The following PIK3R3 variants were observed in gnomAD, a reference collection of about 807,000 sequenced individuals.
The protein encoded by PIK3R3 is phosphatidylinositol 3-kinase regulatory subunit gamma.
In PIK3R3, 64 loss-of-function variants were observed where a neutral mutation model predicts 62.9. The observed-to-expected ratio is 1.02, with a 90% confidence interval of 0.83 to 1.25. PIK3R3 has a LOEUF of 1.25. Ranked by LOEUF, PIK3R3 falls within the 50% of genes most tolerant of loss-of-function variation. The pLI, the probability that PIK3R3 is intolerant of heterozygous loss-of-function variation, is 0.00. For synonymous variants in PIK3R3, 165 were observed against 189.0 expected (o/e 0.87, Z 1.04); for missense variants, 614 against 561.6 (o/e 1.09, Z -0.94).
intron 1 of PIK3R3, among the ~76,000 whole-genome samples, chr1:46,121,907 G>C (rs1023451092): frequency 6.6e-6 from 1 of 151,860 alleles, no homozygotes; most frequent in Non-Finnish European, 1.5e-5. Flanking sequence ...TGGCAGGCTG[G>C]ACGTAGCCTA....
the PIK3R3 span, among the ~76,000 whole-genome samples, chr1:46,155,117 G>C: frequency 6.6e-6 from 1 of 152,116 alleles, no homozygotes; most frequent in East Asian, 1.9e-4. Flanking sequence ...CCCAGGAGTT[G>C]AAGACCAGCC....
At position 46,071,759 on chromosome 1, in the gene PIK3R3, A is replaced by AGAGAGAGAGAGAGCGAGCGAGC. The variant is rs777668187; in HGVS notation, c.315-4669_315-4668insGCTCGCTCGCTCTCTCTCTCTC. Among the ~76,000 whole-genome samples the AGAGAGAGAGAGAGCGAGCGAGC allele has an allele frequency of 2.5e-4, 25 of 100,128 alleles. 1 individual carries two copies. Among genetic ancestry groups the AGAGAGAGAGAGAGCGAGCGAGC allele is most frequent in the East Asian group, 7.4e-4 (3 of 4,044 alleles). The allele number at this position is 100,128 out of a possible 152,430, so 65.7% of individuals were successfully genotyped here. On this transcript the variant is annotated intron_variant, in intron 3 of 9. Coordinates refer to ENST00000262741, the MANE Select transcript of PIK3R3 (RefSeq NM_003629.4). ...GAGAGAGAGAGAGAGAGAGAGAGAGAGCGCGCGCCTGATCACAATTTCCCT... is the reference window on the plus strand; with the variant it reads ...GAGAGAGAGAGAGAGAGAGAGAGAGAGAGAGAGAGAGAGCGAGCGAGCGCGCGCGCCTGATCACAATTTCCCT...
At chr1:46,157,435 T>A in the PIK3R3 span, among the ~76,000 whole-genome samples, 1 of 152,136 alleles carries the variant, frequency 6.6e-6, no homozygotes. Flanking sequence ...TGCCTGACCA[T>A]AGATTGGCTT....
At chr1:46,139,410 A>C in the PIK3R3 span, among the ~76,000 whole-genome samples, 1 of 151,922 alleles carries the variant, frequency 6.6e-6, no homozygotes, top group African/African-American at 2.4e-5. Context: ...GGTTCAAGCA[A>C]TTCTCCTGCC....
chr1:46,167,787 C>T, the PIK3R3 span, among the ~76,000 whole-genome samples: 1 of 152,222 alleles, frequency 6.6e-6, no homozygotes, highest in Admixed American at 6.5e-5. Flanking sequence ...CTTCCACTCA[C>T]GCTGTTTCTC....
intron 3 of PIK3R3, among the ~76,000 whole-genome samples, 162 bp from the exon 4 acceptor site, chr1:46,067,253 C>CATAT (rs71307629): frequency 0.13 from 16,443 of 130,136 alleles, 1,124 homozygotes; most frequent in Admixed American, 0.19. Context: ...TGTGTGTGAA[C>CATAT]ATATATATAT....
chr1:46,152,705 G>C, the PIK3R3 span, among the ~76,000 whole-genome samples: 1 of 152,036 alleles, frequency 6.6e-6, no homozygotes, highest in African/African-American at 2.4e-5. Context: ...TGGGACTACA[G>C]GTGCCTGCCA....
intron 1 of PIK3R3, among the ~76,000 whole-genome samples, chr1:46,083,117 T>G (rs938549565): frequency 1.3e-5 from 2 of 152,098 alleles, no homozygotes; most frequent in Non-Finnish European, 2.9e-5. Context: ...CTTAGTCAAC[T>G]GATTTTCAAC....
At chr1:46,144,187 T>C in the PIK3R3 span, among the ~76,000 whole-genome samples, 4 of 152,204 alleles carry the variant, frequency 2.6e-5, no homozygotes, top group Admixed American at 1.3e-4. Context: ...GGAGGTATTA[T>C]GGCCATGTTC....
rs1022803555 is a variant in PIK3R3 at position 46,062,196 on chromosome 1, A to G, written c.622-125T>C. ...ATCCCATATAACACCTAGTCTTTCA[A>G]AAGTCTTCTCCTTGTTTAGGAGGAC... On this transcript the variant is annotated intron_variant, in intron 5 of 9. Coordinates refer to ENST00000262741, the MANE Select transcript of PIK3R3 (RefSeq NM_003629.4). The G allele has an allele frequency of 3.8e-5, 28 of 728,778 alleles. No homozygotes were observed. The Admixed American group carries it at 8.4e-4, about 22-fold the overall frequency. 45.1% of individuals were successfully genotyped at this position (728,778 alleles called of 1,614,324 possible).
rs149166394 is a variant in PIK3R3 at position 46,109,142 on chromosome 1, G to A, written c.106+22705C>T. Among the ~76,000 whole-genome samples, 831 of 141,444 alleles carry A rather than the reference G, an allele frequency of 5.9e-3. 12 individuals are homozygous for A. The highest frequency in any genetic ancestry group is 0.021 in the African/African-American group (792 of 37,188). The allele number at this position is 141,444 out of a possible 152,430, so 92.8% of individuals were successfully genotyped here. A position where few individuals can be genotyped will look rare whatever the true frequency, so the allele number is the denominator to read the frequency against. ...CCACTGCACTCCATCCAGCCTGGGTGACAAAGCGAGACTCTGTCTCAAAAA... is the reference window on the plus strand; with the variant it reads ...CCACTGCACTCCATCCAGCCTGGGTAACAAAGCGAGACTCTGTCTCAAAAA... On this transcript the variant is annotated intron_variant, in intron 1 of 9. Transcript: ENST00000262741.
intron 7 of PIK3R3, chr1:46,047,163 CG>C (rs1557549728): frequency 6.6e-6 from 1 of 152,596 alleles, no homozygotes; most frequent in African/African-American, 2.4e-5. Context: ...CCAAGCCGGG[CG>C]CGGTGGCTCA....
At chr1:46,066,252 T>C in intron 4 of PIK3R3, 73 bp from the exon 5 acceptor site, 1 of 1,071,768 alleles carries the variant, frequency 9.3e-7, no homozygotes, top group Non-Finnish European at 1.4e-6. Context: ...TCCACATCTA[T>C]TTTTTAAAGG....
chr1:46,067,165 C>A, intron 3 of PIK3R3, 74 bp from the exon 4 acceptor site: 1 of 1,139,622 alleles, frequency 8.8e-7, no homozygotes. Flanking sequence ...CATATGGAGA[C>A]GTGAAAGCTT....
chr1:46,106,530 G>C (rs1653221878), intron 1 of PIK3R3, among the ~76,000 whole-genome samples: 1 of 151,918 alleles, frequency 6.6e-6, no homozygotes, highest in African/African-American at 2.4e-5. Flanking sequence ...ACTAACCATA[G>C]TAAAAAATAA....
the PIK3R3 span, among the ~76,000 whole-genome samples, chr1:46,148,411 C>A: frequency 3.3e-5 from 5 of 152,232 alleles, no homozygotes; most frequent in African/African-American, 1.2e-4. Context: ...TCCTGTCAGG[C>A]AGTTCCAGGG....
At chr1:46,097,583 C>T (rs1383811130) in intron 1 of PIK3R3, among the ~76,000 whole-genome samples, 1 of 151,874 alleles carries the variant, frequency 6.6e-6, no homozygotes, top group Non-Finnish European at 1.5e-5. Context: ...CTATTCAACA[C>T]TATAATTAAG....
At chr1:46,069,913 C>T (rs546974847) in intron 3 of PIK3R3, among the ~76,000 whole-genome samples, 1 of 152,210 alleles carries the variant, frequency 6.6e-6, no homozygotes, top group East Asian at 1.9e-4. Flanking sequence ...TCAACCAAGT[C>T]CAATGATAAT....
At chr1:46,099,136 G>T (rs1481898689) in intron 1 of PIK3R3, among the ~76,000 whole-genome samples, 2 of 152,128 alleles carry the variant, frequency 1.3e-5, no homozygotes, top group African/African-American at 4.8e-5. Context: ...TTAAAAGGTG[G>T]ATATATGGCA....
Sources: allele counts gnomAD v4.1 joint callset (sites outside exome capture counted in the v4.1 genomes callset), GRCh38; gene constraint gnomAD v4.1.1; transcripts MANE v1.5; gene names NCBI Gene and HGNC (gene_info 2026-07-23, HGNC 2026-07-21).